Variants in PRKCB observed in about 807,000 individuals in gnomAD.
PRKCB encodes protein kinase C beta, also known as protein kinase C beta type.
A neutral mutation model predicts 81.5 loss-of-function variants in PRKCB; 13 were observed. The ratio of observed to expected loss-of-function variants is 0.16; its 90% CI spans 0.10 to 0.25. The LOEUF is 0.25. Among genes scored for constraint, PRKCB ranks in the 10% least tolerant of loss-of-function variants. The pLI, the probability that PRKCB is intolerant of heterozygous loss-of-function variation, is 1.00. For synonymous variants in PRKCB, 335 were observed against 321.4 expected (o/e 1.04, Z -0.45); for missense variants, 509 against 875.7 (o/e 0.58, Z 5.29).
intron 2 of PRKCB, among the ~76,000 whole-genome samples, chr16:23,926,098 G>A (rs1450075760): frequency 2.0e-5 from 3 of 151,808 alleles, no homozygotes; most frequent in African/African-American, 7.3e-5. Context: ...AACTTGGTGA[G>A]ACTCCGGCTC....
At chr16:24,027,655 C>G (rs1287102560) in intron 3 of PRKCB, among the ~76,000 whole-genome samples, 1 of 152,178 alleles carries the variant, frequency 6.6e-6, no homozygotes, top group Non-Finnish European at 1.5e-5. Flanking sequence ...AGGGTGGGAA[C>G]GTTGTGAAAG....
At chr16:24,203,535 GAGA>G (rs1967996002) in intron 16 of PRKCB, among the ~76,000 whole-genome samples, 1 of 152,120 alleles carries the variant, frequency 6.6e-6, no homozygotes, top group Non-Finnish European at 1.5e-5. Context: ...AGAACTTTGG[GAGA>G]ACACATTCAA....
chr16:24,062,297 A>G (rs1041280367), intron 5 of PRKCB, among the ~76,000 whole-genome samples: 1 of 152,046 alleles, frequency 6.6e-6, no homozygotes, highest in African/African-American at 2.4e-5. Flanking sequence ...AGGGACAGGG[A>G]TGCCTTGGCC....
At chr16:23,983,124 A>AC (rs950331359) in intron 2 of PRKCB, among the ~76,000 whole-genome samples, 1 of 151,934 alleles carries the variant, frequency 6.6e-6, no homozygotes, top group Admixed American at 6.6e-5. Context: ...AAAAAAAAAA[A>AC]AAACAGAAAA....
intron 5 of PRKCB, among the ~76,000 whole-genome samples, chr16:24,062,551 G>T (rs1423166200): frequency 6.6e-6 from 1 of 152,214 alleles, no homozygotes; most frequent in East Asian, 1.9e-4. Flanking sequence ...AGGCAAGGAA[G>T]ATGCCAAGTA....
intron 2 of PRKCB, among the ~76,000 whole-genome samples, chr16:23,924,559 C>T (rs74012812): frequency 0.021 from 3,249 of 152,026 alleles, 63 homozygotes; most frequent in Middle Eastern, 0.086. Flanking sequence ...TCTTGTGACA[C>T]ATATATTAAT....
intron 2 of PRKCB, among the ~76,000 whole-genome samples, chr16:23,973,280 C>T (rs541944938): frequency 6.6e-6 from 1 of 152,196 alleles, no homozygotes; most frequent in South Asian, 2.1e-4. Context: ...CTCCCGGGTT[C>T]AAGCAATTCT....
chr16:23,991,631 G>C (rs1016080969), intron 3 of PRKCB, among the ~76,000 whole-genome samples: 4 of 152,184 alleles, frequency 2.6e-5, no homozygotes, highest in African/African-American at 4.8e-5. Context: ...AAAGGCCTAA[G>C]GGTTGACTTG....
chr16:24,091,055 T>C (rs1966370079), intron 5 of PRKCB, among the ~76,000 whole-genome samples: 1 of 152,232 alleles, frequency 6.6e-6, no homozygotes, highest in Admixed American at 6.5e-5. Context: ...AGGGTAACTC[T>C]TTATTTCTTA....
chr16:24,074,838 C>T (rs556928768), intron 5 of PRKCB, among the ~76,000 whole-genome samples: 56 of 152,218 alleles, frequency 3.7e-4, no homozygotes, highest in African/African-American at 1.2e-3. Context: ...TTTAAATTAA[C>T]GAGCTTGGCC....
intron 15 of PRKCB, among the ~76,000 whole-genome samples, chr16:24,190,761 C>A (rs1311162581): frequency 1.3e-5 from 2 of 152,046 alleles, no homozygotes; most frequent in Non-Finnish European, 2.9e-5. Flanking sequence ...TTGTGATTCG[C>A]CCGCCTAGGC....
At position 24,215,071 on chromosome 16, in the gene PRKCB, C is replaced by T. The variant is rs149339486; in HGVS notation, c.*255C>T. 84 of 1,217,198 alleles carry T rather than the reference C, an allele frequency of 6.9e-5. No individual in the cohort carries two copies. The South Asian group carries it at 8.0e-4, about 12-fold the overall frequency. The allele number at this position is 1,217,198 out of a possible 1,614,324, so 75.4% of individuals were successfully genotyped here. A position where few individuals can be genotyped will look rare whatever the true frequency, so the allele number is the denominator to read the frequency against. ...CAAAGTCCTCTTACAATTTATTTTC[C>T]GCAGCATGTCAGCTAAGTAGACCCA... On this transcript the variant is annotated 3_prime_UTR_variant, in exon 17 of 17. Transcript: ENST00000643927.
chr16:23,929,403 TC>T (rs34159702), intron 2 of PRKCB, among the ~76,000 whole-genome samples: 3 of 152,086 alleles, frequency 2.0e-5, no homozygotes, highest in African/African-American at 7.2e-5. Context: ...TTCTGCCATT[TC>T]CTTGCTGTGT....
intron 2 of PRKCB, among the ~76,000 whole-genome samples, chr16:23,952,648 G>A (rs1218815314): frequency 6.6e-6 from 1 of 152,192 alleles, no homozygotes; most frequent in Non-Finnish European, 1.5e-5. Context: ...TGGTTCCCTG[G>A]TGTCCCTGTT....
intron 2 of PRKCB, among the ~76,000 whole-genome samples, chr16:23,897,830 C>G (rs1209404912): frequency 6.6e-6 from 1 of 152,106 alleles, no homozygotes; most frequent in Non-Finnish European, 1.5e-5. Context: ...CTCTCCCATC[C>G]ATCCATCCAT....
rs1020768392 is a variant in PRKCB at position 24,185,106 on chromosome 16, T to C, written c.1534-5T>C. Reference sequence around the variant, plus strand: ...CTCCCTGATAGGGTGCCTTCTCTTTTCTAGATAATTGCTTATCAGCCCTAT... The same window carrying C: ...CTCCCTGATAGGGTGCCTTCTCTTTCCTAGATAATTGCTTATCAGCCCTAT... On this transcript the variant is annotated splice_region_variant and splice_polypyrimidine_tract_variant and intron_variant, in intron 13 of 16. Coordinates refer to ENST00000643927, the MANE Select transcript of PRKCB (RefSeq NM_002738.7). The C allele has an allele frequency of 1.9e-6, 3 of 1,613,628 alleles. No individual in the cohort carries two copies. Among genetic ancestry groups the C allele is most frequent in the Non-Finnish European group, 8.5e-7 (1 of 1,179,582 alleles).
chr16:23,991,636 G>A (rs1377491594), intron 3 of PRKCB, among the ~76,000 whole-genome samples: 3 of 152,194 alleles, frequency 2.0e-5, no homozygotes, highest in African/African-American at 4.8e-5. Flanking sequence ...CCTAAGGGTT[G>A]ACTTGGCTTC....
chr16:24,072,112 A>G (rs987908442), intron 5 of PRKCB, among the ~76,000 whole-genome samples: 1 of 151,624 alleles, frequency 6.6e-6, no homozygotes, highest in African/African-American at 2.4e-5. Context: ...TAGAGTGAAC[A>G]GTTCAGCGGC....
In PRKCB at chr16:24,136,704, C is replaced by T. The variant is rs377313081; in HGVS notation, c.1065+12723C>T. On this transcript the variant is annotated intron_variant, in intron 9 of 16. Coordinates refer to ENST00000643927, the MANE Select transcript of PRKCB (RefSeq NM_002738.7). ...TCCCTAGGATCCAATTCACTGTGAC[C>T]GGGGAAGCGGTTACTTTTCCAACCA... 1.5e-4 allele frequency among the ~76,000 whole-genome samples: 23 copies of T among 151,864 alleles called. 1 individual carries two copies. Among genetic ancestry groups the T allele is most frequent in the Admixed American group, 5.2e-4 (8 of 15,246 alleles).
Sources: allele counts gnomAD v4.1 joint callset (sites outside exome capture counted in the v4.1 genomes callset), GRCh38; gene constraint gnomAD v4.1.1; transcripts MANE v1.5; gene names NCBI Gene and HGNC (gene_info 2026-07-23, HGNC 2026-07-21).